NUP210: variants seen among roughly 807,000 people sequenced by gnomAD.
NUP210 encodes the protein nuclear pore membrane glycoprotein 210.
NUP210 carries 151 observed loss-of-function variants against 196.0 expected under a neutral mutation model. The observed-to-expected ratio is 0.77, with a 90% CI of 0.67 to 0.88. The LOEUF (loss-of-function observed/expected upper bound fraction) is 0.88. Among genes scored for constraint, NUP210 ranks in the 40% least tolerant of loss-of-function variants. NUP210 has a pLI of 0.00. For synonymous variants in NUP210, 1,070 were observed against 1,052.7 expected, an observed-to-expected ratio of 1.02 and a Z score of -0.32; for missense variants, 2,314 against 2,493.7, an observed-to-expected ratio of 0.93 and a Z score of 1.53.
chr3:13,410,305 C>T (rs953618992), intron 1 of NUP210, among the ~76,000 whole-genome samples: 2 of 152,058 alleles, frequency 1.3e-5, no homozygotes, highest in Non-Finnish European at 2.9e-5. Context: ...CTCAGCCTCC[C>T]GAGGAGCTAG....
At chr3:13,383,554 A>C in intron 6 of NUP210, among the ~76,000 whole-genome samples, 1 of 112,130 alleles carries the variant, frequency 8.9e-6, no homozygotes, top group Admixed American at 1.3e-4. Context: ...ACAGAGTCTC[A>C]CTCTGTCGCC....
chr3:13,321,946 G>A (rs1696548362), intron 35 of NUP210, 111 bp from the exon 36 acceptor site: 6 of 1,449,738 alleles, frequency 4.1e-6, no homozygotes, highest in South Asian at 2.6e-5. Flanking sequence ...CCAAAGCCCA[G>A]GTGAGAAGTC....
Position 13,388,406 on chromosome 3 carries a change from G to T in NUP210, c.581C>A (p.Ser194Ter). 2.5e-6 allele frequency: 4 copies of T among 1,612,428 alleles called. No homozygotes were observed. The highest frequency in any genetic ancestry group is 3.4e-6 in the Non-Finnish European group (4 of 1,179,266). The change falls in exon 5 of 40, where the codon TCA (serine) becomes TAA (stop). Residue 194 changes from serine to a stop codon, truncating the protein, a stop_gained. Transcript: ENST00000254508. LOFTEE classifies it high-confidence loss of function. ...ESTYIPPSYI[S>*]EMEKAAKQGD... is the part of the protein sequence containing the mutation. ...TTGCTTGGCAGCCTTCTCCATCTCT[G>T]AGATGTAAGAAGGAGGGATGTACGT...
intron 4 of NUP210, among the ~76,000 whole-genome samples, chr3:13,390,509 A>G (rs1276268798): frequency 5.3e-5 from 8 of 152,198 alleles, no homozygotes; most frequent in Non-Finnish European, 1.0e-4. Flanking sequence ...TGAGCCATTG[A>G]CAGGAGGCTT....
intron 15 of NUP210, among the ~76,000 whole-genome samples, chr3:13,359,670 C>T (rs1469570882): frequency 6.6e-6 from 1 of 152,202 alleles, no homozygotes; most frequent in South Asian, 2.1e-4. Flanking sequence ...CCACCAGAAG[C>T]CCCACAAGCT....
At chr3:13,351,716 T>A in intron 20 of NUP210, 163 bp downstream of exon 20, 1 of 605,540 alleles carries the variant, frequency 1.7e-6, no homozygotes, top group Non-Finnish European at 3.0e-6. Flanking sequence ...CAGGCTGGTC[T>A]TGAACTCCTG....
At chr3:13,405,061 G>C (rs1395296384) in intron 1 of NUP210, among the ~76,000 whole-genome samples, 1 of 152,166 alleles carries the variant, frequency 6.6e-6, no homozygotes, top group Non-Finnish European at 1.5e-5. Context: ...TGCTGGTGGA[G>C]TGTGAGGATT....
chr3:13,379,791 A>C lies in NUP210; in HGVS notation c.818-70T>G, dbSNP rs1576401355. The stretch of plus-strand genomic sequence containing the variant: ...GACAGGAAATGTTAGAAGCCAATAC[A>C]CTCCCACTGCCACCCCGAATCTCTG... On this transcript the variant is annotated intron_variant, in intron 6 of 39. Transcript: ENST00000254508. The surrounding 1 kb of genome is among the most constrained non-coding windows in gnomAD (Gnocchi z 4.2). The C allele has an allele frequency of 7.4e-7, 1 of 1,345,690 alleles. No individual in the cohort carries two copies. 83.4% of individuals were successfully genotyped at this position (1,345,690 alleles called of 1,614,324 possible).
intron 14 of NUP210, among the ~76,000 whole-genome samples, 167 bp downstream of exon 14, chr3:13,365,779 T>C (rs1014017770): frequency 1.3e-5 from 2 of 152,238 alleles, no homozygotes; most frequent in Non-Finnish European, 2.9e-5. Context: ...GCTCTGCTCC[T>C]TCCACATGAA....
At chr3:13,411,052 AAAT>A (rs1304999133) in intron 1 of NUP210, among the ~76,000 whole-genome samples, 3 of 151,966 alleles carry the variant, frequency 2.0e-5, no homozygotes, top group African/African-American at 4.8e-5. Flanking sequence ...AGTCTCTAAA[AAAT>A]AATAATAATA....
intron 3 of NUP210, 111 bp downstream of exon 3, chr3:13,397,246 A>T (rs1405105208): frequency 7.7e-7 from 1 of 1,305,502 alleles, no homozygotes; most frequent in Non-Finnish European, 1.0e-6. Flanking sequence ...CCCTCTAGGG[A>T]CCTGCAGGGT....
intron 1 of NUP210, among the ~76,000 whole-genome samples, chr3:13,411,402 T>G (rs1178728075): frequency 1.3e-5 from 2 of 152,252 alleles, no homozygotes. Context: ...TGTGAGGCTC[T>G]TGGACCCAGG....
rs765577049 is a variant in NUP210, at chr3:13,328,853, C to T, written c.4204G>A (p.Val1402Met). ...TCGTGGAAGTGGACAGTGAAGGTCA[C>T]GGTCATTCCCAAAGGCACGGCCACC... Reference protein sequence around the residue: ...ALVAVPLGMTVTFTVHFHDNS... With the variant: ...ALVAVPLGMTMTFTVHFHDNS... Residue 1402 changes from valine (V) to methionine (M), a missense_variant, in exon 31 of 40, where the codon GTG (valine) becomes ATG (methionine). By Grantham distance (21) the Val-to-Met change is conservative (BLOSUM62 1). Coordinates refer to ENST00000254508, the MANE Select transcript of NUP210 (RefSeq NM_024923.4). The T allele has an allele frequency of 1.5e-5, 24 of 1,614,022 alleles. No individual in the cohort carries two copies. The highest frequency in any genetic ancestry group is 6.7e-5 in the African/African-American group (5 of 74,924).
intron 16 of NUP210, among the ~76,000 whole-genome samples, chr3:13,355,242 A>T (rs553291817): frequency 2.6e-5 from 4 of 152,218 alleles, no homozygotes; most frequent in African/African-American, 4.8e-5. Context: ...GGAGAGGGGG[A>T]TCCTGCAGGA....
intron 14 of NUP210, among the ~76,000 whole-genome samples, chr3:13,365,274 G>A (rs1052278159): frequency 6.6e-6 from 1 of 152,130 alleles, no homozygotes; most frequent in Non-Finnish European, 1.5e-5. Flanking sequence ...TTCCATTTGT[G>A]AGCTCAGCAA....
intron 1 of NUP210, among the ~76,000 whole-genome samples, chr3:13,418,728 C>CA (rs1700429019): frequency 6.6e-6 from 1 of 151,884 alleles, no homozygotes; most frequent in South Asian, 2.1e-4. Flanking sequence ...GCGGAAGTTG[C>CA]AGTGGACAGA....
At chr3:13,335,324 G>T in intron 28 of NUP210, 130 bp downstream of exon 28, 1 of 1,097,970 alleles carries the variant, frequency 9.1e-7, no homozygotes, top group Non-Finnish European at 1.3e-6. Flanking sequence ...ATGGACCACT[G>T]TCATCCCCAC....
At chr3:13,343,339 T>TGGGGGGGGGGGGGGGGGGGGGGGTGGG in intron 20 of NUP210, 36 bp from the exon 21 acceptor site, 2 of 282,518 alleles carry the variant, frequency 7.1e-6, no homozygotes, top group Admixed American at 5.7e-5. Flanking sequence ...GGGTGGGTGG[T>TGGGGGGGGGGGGGGGGGGGGGGGTGGG]GGGTTACGCA....
In NUP210 at chr3:13,347,212, C is replaced by T. The variant is rs987563997; in HGVS notation, c.2836-3909G>A. 1.0e-6 allele frequency: 1 copy of T among 985,260 alleles called. No individual in the cohort carries two copies. The highest frequency in any genetic ancestry group is 1.7e-5 in the African/African-American group (1 of 57,236). The allele number at this position is 985,260 out of a possible 1,614,324, so 61.0% of individuals were successfully genotyped here. On this transcript the variant is annotated intron_variant, in intron 20 of 39. Transcript: ENST00000254508. The surrounding 1 kb of genome is among the most constrained non-coding windows in gnomAD (Gnocchi z 4.7). ...CTGCGGCTCACAGGAGCTGGGCCCC[C>T]CGGCTTCATTCCCTCCTGAATCCGC... is the stretch of plus-strand genomic sequence containing the variant.
Sources: allele counts gnomAD v4.1 joint callset (sites outside exome capture counted in the v4.1 genomes callset), GRCh38; gene constraint gnomAD v4.1.1; non-coding constraint Gnocchi (gnomAD v3.1); transcripts MANE v1.5; gene names NCBI Gene and HGNC (gene_info 2026-07-23, HGNC 2026-07-21).